The following SSH2 variants were observed in gnomAD, a reference collection of about 807,000 sequenced individuals.
SSH2 encodes the protein slingshot protein phosphatase 2, also known as protein phosphatase Slingshot homolog 2.
A neutral mutation model predicts 135.2 loss-of-function variants in SSH2; 37 were observed. The observed-to-expected ratio is 0.27, with a 90% confidence interval of 0.21 to 0.36. SSH2 has a LOEUF of 0.36. Ranked by LOEUF, SSH2 falls within the 10% of genes least tolerant of loss-of-function variation. The pLI, the probability that SSH2 is intolerant of heterozygous loss-of-function variation, is 1.00. For synonymous variants in SSH2, 628 were observed against 646.2 expected (o/e 0.97, Z 0.43); for missense variants, 1,408 against 1,765.3 (o/e 0.80, Z 3.63).
intron 1 of SSH2, among the ~76,000 whole-genome samples, chr17:29,885,023 T>G (rs1256494394): frequency 1.3e-5 from 2 of 152,214 alleles, no homozygotes; most frequent in Non-Finnish European, 2.9e-5. Flanking sequence ...CAACTTATTC[T>G]GATGCAATGT....
At chr17:29,711,774 G>A (rs2039437692) in intron 3 of SSH2, among the ~76,000 whole-genome samples, 1 of 152,076 alleles carries the variant, frequency 6.6e-6, no homozygotes, top group South Asian at 2.1e-4. Context: ...CTCTCCCCTG[G>A]GACCATACCC....
chr17:29,903,645 A>G (rs1410736716), intron 1 of SSH2, among the ~76,000 whole-genome samples: 1 of 152,116 alleles, frequency 6.6e-6, no homozygotes, highest in African/African-American at 2.4e-5. Flanking sequence ...TGTATCAACC[A>G]TTCCTCTACA....
intron 2 of SSH2, among the ~76,000 whole-genome samples, chr17:29,828,937 C>T (rs1453255611): frequency 6.6e-6 from 1 of 152,208 alleles, no homozygotes; most frequent in Non-Finnish European, 1.5e-5. Flanking sequence ...TTAAAGTAAG[C>T]AACCCTTCTG....
chr17:29,671,879 T>A (rs1022274739), intron 9 of SSH2, 56 bp downstream of exon 9: 5 of 1,436,900 alleles, frequency 3.5e-6, no homozygotes, highest in Non-Finnish European at 4.8e-6. Context: ...ATGCTTCTTA[T>A]GACTCCTCAG....
intron 1 of SSH2, among the ~76,000 whole-genome samples, chr17:29,872,493 G>A (rs925619901): frequency 3.9e-5 from 6 of 152,186 alleles, no homozygotes; most frequent in Non-Finnish European, 8.8e-5. Flanking sequence ...GGTGGCTTAC[G>A]CCTATAATCC....
At chr17:29,858,940 C>T (rs2065712459) in intron 1 of SSH2, among the ~76,000 whole-genome samples, 1 of 151,908 alleles carries the variant, frequency 6.6e-6, no homozygotes, top group African/African-American at 2.4e-5. Context: ...AGAGGAAAGA[C>T]CATGTGAAAA....
At chr17:29,735,666 C>T (rs2040339027) in intron 3 of SSH2, among the ~76,000 whole-genome samples, 1 of 144,834 alleles carries the variant, frequency 6.9e-6, no homozygotes, top group Non-Finnish European at 1.5e-5. Context: ...CACTGCACTC[C>T]AGCCTGGACG....
chr17:29,737,946 T>C (rs1448778857), intron 3 of SSH2, among the ~76,000 whole-genome samples: 1 of 150,466 alleles, frequency 6.6e-6, no homozygotes, highest in Non-Finnish European at 1.5e-5. Context: ...TTTATTTATA[T>C]TATACTTTAA....
At chr17:29,929,109 C>T (rs576882448) in intron 1 of SSH2, 1 of 152,128 alleles carries the variant, frequency 6.6e-6, no homozygotes, top group East Asian at 1.9e-4. Flanking sequence ...GGAGAGAAGG[C>T]AAAGACGGGC....
At chr17:29,641,919 G>A (rs1327305676) in intron 14 of SSH2, among the ~76,000 whole-genome samples, 3 of 147,678 alleles carry the variant, frequency 2.0e-5, no homozygotes, top group Non-Finnish European at 4.4e-5. Context: ...AGACTAGCCT[G>A]GGCAATATAG....
chr17:29,686,639 G>A (rs1008451586), intron 5 of SSH2, among the ~76,000 whole-genome samples: 4 of 151,038 alleles, frequency 2.6e-5, no homozygotes, highest in Non-Finnish European at 4.4e-5. Flanking sequence ...AAAGTGCTAG[G>A]ATTACATGCA....
intron 1 of SSH2, among the ~76,000 whole-genome samples, chr17:29,854,573 T>C (rs2065627919): frequency 6.6e-6 from 1 of 151,798 alleles, no homozygotes; most frequent in Non-Finnish European, 1.5e-5. Flanking sequence ...AGAACTCATG[T>C]ACTAAGAAGG....
At chr17:29,787,120 G>A (rs542053001) in intron 3 of SSH2, among the ~76,000 whole-genome samples, 5 of 152,104 alleles carry the variant, frequency 3.3e-5, no homozygotes, top group African/African-American at 7.2e-5. Flanking sequence ...CTGAAGCTCC[G>A]TACCCACTAG....
chr17:29,694,499 T>A (rs2038636616), intron 5 of SSH2, among the ~76,000 whole-genome samples: 1 of 152,106 alleles, frequency 6.6e-6, no homozygotes, highest in Non-Finnish European at 1.5e-5. Flanking sequence ...TGAAACCCCA[T>A]CTCTACTAAA....
In SSH2 at chr17:29,913,347, AATATATATATATATATATATAT is replaced by A. The variant is rs56068605; in HGVS notation, c.63+16569_63+16590del. Among the ~76,000 whole-genome samples, 121 of 28,780 alleles carry A rather than the reference AATATATATATATATATATATAT, an allele frequency of 4.2e-3. 1 individual carries two copies. Among genetic ancestry groups the A allele is most frequent in the African/African-American group, 0.014 (111 of 8,050 alleles). 18.9% of individuals were successfully genotyped at this position (28,780 alleles called of 152,430 possible). ...AAAAAAAAAAAAAAAAAAAAAAAAA[AATATATATATATATATATATAT>A]ATATATATATATATCCAATTTCTAC... is the stretch of plus-strand genomic sequence containing the variant. On this transcript the variant is annotated intron_variant, in intron 1 of 15. Transcript: ENST00000540801.
In SSH2 at chr17:29,636,469, C is replaced by G; in HGVS notation, c.1761G>C (p.Leu587=). Residue 587 remains leucine, a synonymous_variant, in exon 15 of 16, where the codon CTG becomes CTC. Coordinates refer to ENST00000540801, the MANE Select transcript of SSH2 (RefSeq NM_001282129.2). The stretch of plus-strand genomic sequence containing the variant: ...TGTCAAGAGGAAATTTTGATTCATT[C>G]AGACAACACCCTGATGAGCATCCAT... ...DINGCSSGCC[L]NESKFPLDNC... 6.2e-7 allele frequency: 1 copy of G among 1,614,178 alleles called. No homozygotes were observed. The highest frequency in any genetic ancestry group is 8.5e-7 in the Non-Finnish European group (1 of 1,180,036).
At chr17:29,634,576 C>T (rs1011645059) in intron 15 of SSH2, among the ~76,000 whole-genome samples, 53 of 152,060 alleles carry the variant, frequency 3.5e-4, no homozygotes, top group Non-Finnish European at 6.2e-4. Flanking sequence ...TTTTTTGAGA[C>T]GGAGTCTCGC....
chr17:29,819,991 A>T (rs1280718403), intron 2 of SSH2, among the ~76,000 whole-genome samples: 4 of 152,244 alleles, frequency 2.6e-5, no homozygotes, highest in Admixed American at 1.3e-4. Flanking sequence ...AGAAATATTT[A>T]AAAACATTTT....
At chr17:29,655,726 T>TAAAGGGCAC in intron 11 of SSH2, 119 bp from the exon 12 acceptor site, 1 of 835,436 alleles carries the variant, frequency 1.2e-6, no homozygotes, top group African/African-American at 1.7e-5. Context: ...CCAGTGCCCT[T>TAAAGGGCAC]TAAGTTGCCA....
Sources: gnomAD v4.1 joint callset for allele counts (sites outside exome capture counted in the v4.1 genomes callset) on GRCh38, gnomAD v4.1.1 for gene constraint, MANE v1.5 for transcripts, NCBI Gene and HGNC (gene_info 2026-07-23, HGNC 2026-07-21) for gene names.